Variants in WWOX observed in about 807,000 individuals in gnomAD.
WWOX encodes WW domain-containing oxidoreductase.
WWOX carries 69 observed loss-of-function variants against 46.2 expected under a neutral mutation model. The ratio of observed to expected loss-of-function variants is 1.49; its 90% CI spans 1.23 to 1.82. The LOEUF (loss-of-function observed/expected upper bound fraction) is 1.82, where lower values mean the gene tolerates loss of function less well. Among genes scored for constraint, WWOX ranks in the 40% most tolerant of loss-of-function variants. The pLI is 0.00. For synonymous variants in WWOX, 359 were observed against 202.6 expected (o/e 1.77, Z -6.56); for missense variants, 919 against 542.6 (o/e 1.69, Z -6.89).
intron 8 of WWOX, chr16:78,996,376 A>ACCCCCCCCCCC (rs1338159064): frequency 2.3e-6 from 1 of 438,796 alleles, no homozygotes; most frequent in Non-Finnish European, 2.6e-6. Flanking sequence ...TTCTGCACCC[A>ACCCCCCCCCCC]CCCCCGCCCC....
intron 8 of WWOX, among the ~76,000 whole-genome samples, chr16:79,038,701 C>G (rs528541113): frequency 6.6e-6 from 1 of 152,000 alleles, no homozygotes; most frequent in Non-Finnish European, 1.5e-5. Flanking sequence ...AGGCACCCAC[C>G]ACCACACCCA....
chr16:78,616,245 T>C (rs2046021977), intron 8 of WWOX, among the ~76,000 whole-genome samples: 2 of 151,854 alleles, frequency 1.3e-5, no homozygotes, highest in Admixed American at 1.3e-4. Flanking sequence ...TATAAGCAAG[T>C]AGGATGTTTG....
At chr16:78,428,219 A>G (rs9939279) in intron 7 of WWOX, among the ~76,000 whole-genome samples, 24,880 of 152,204 alleles carry the variant, frequency 0.16, 2,611 homozygotes, top group East Asian at 0.3. Context: ...TTCTATTAAG[A>G]CATAATTGTT....
intron 8 of WWOX, among the ~76,000 whole-genome samples, chr16:78,524,056 C>T (rs552151996): frequency 6.2e-4 from 94 of 152,288 alleles, no homozygotes; most frequent in African/African-American, 2.2e-3. Flanking sequence ...TGTGGTGATT[C>T]CAATGTGAGT....
Position 78,700,220 on chromosome 16 carries a change from G to A in WWOX, c.1056+267468G>A, listed in dbSNP as rs574737629. Reference sequence around the variant, plus strand: ...TCCCAGTTCTGGAGGCTGGAAGTCAGATGTCAGGGCACCAGCATGGTTGGT... The same window carrying A: ...TCCCAGTTCTGGAGGCTGGAAGTCAAATGTCAGGGCACCAGCATGGTTGGT... On this transcript the variant is annotated intron_variant, in intron 8 of 8. Transcript: ENST00000566780. Among the ~76,000 whole-genome samples the A allele has an allele frequency of 2.7e-3, 414 of 151,210 alleles. 3 individuals are homozygous for A. Among genetic ancestry groups the A allele is most frequent in the Admixed American group, 5.5e-3 (84 of 15,158 alleles).
At chr16:78,302,799 T>C (rs2080063850) in intron 5 of WWOX, among the ~76,000 whole-genome samples, 1 of 152,232 alleles carries the variant, frequency 6.6e-6, no homozygotes, top group Non-Finnish European at 1.5e-5. Flanking sequence ...TCTTGGTTCC[T>C]AAGAGTTTTA....
intron 8 of WWOX, among the ~76,000 whole-genome samples, chr16:78,500,022 A>G (rs1050897794): frequency 6.6e-6 from 1 of 152,240 alleles, no homozygotes; most frequent in African/African-American, 2.4e-5. Flanking sequence ...GAAGTGGGTC[A>G]AAACCTGGTT....
chr16:79,082,214 A>G (rs1486859220), intron 8 of WWOX, among the ~76,000 whole-genome samples: 1 of 152,174 alleles, frequency 6.6e-6, no homozygotes, highest in Non-Finnish European at 1.5e-5. Context: ...AGCAAAATTA[A>G]AAGCAATATT....
chr16:78,962,739 C>G (rs907357489), intron 8 of WWOX, among the ~76,000 whole-genome samples: 2 of 152,156 alleles, frequency 1.3e-5, no homozygotes, highest in African/African-American at 4.8e-5. Context: ...GTAAACACCA[C>G]TCAGATCAAG....
chr16:78,873,322 C>G (rs1478983579), intron 8 of WWOX: 1 of 152,184 alleles, frequency 6.6e-6, no homozygotes, highest in African/African-American at 2.4e-5. Context: ...AAGGGACTAG[C>G]TCCTATTATC....
At chr16:79,106,918 C>A (rs1294354514) in intron 8 of WWOX, among the ~76,000 whole-genome samples, 2 of 151,054 alleles carry the variant, frequency 1.3e-5, no homozygotes, top group Non-Finnish European at 2.9e-5. Context: ...AGCGATTCTC[C>A]TGCCTCAGCC....
At chr16:79,185,546 C>A (rs1195457837) in intron 8 of WWOX, among the ~76,000 whole-genome samples, 2 of 152,172 alleles carry the variant, frequency 1.3e-5, no homozygotes, top group Non-Finnish European at 2.9e-5. Context: ...CAGGTAGCCT[C>A]AGAACGGATT....
At chr16:78,375,832 C>G (rs1396656879) in intron 5 of WWOX, among the ~76,000 whole-genome samples, 14 of 149,184 alleles carry the variant, frequency 9.4e-5, no homozygotes, top group Non-Finnish European at 1.6e-4. Flanking sequence ...ACCGGAGAAA[C>G]AATGAGTAAC....
intron 8 of WWOX, among the ~76,000 whole-genome samples, chr16:78,585,969 C>G (rs997302161): frequency 6.6e-6 from 1 of 151,922 alleles, no homozygotes; most frequent in East Asian, 1.9e-4. Context: ...GGCCGAGACT[C>G]GGGGATCCCT....
chr16:78,941,541 CG>C (rs1401297762), intron 8 of WWOX, among the ~76,000 whole-genome samples: 6 of 151,246 alleles, frequency 4.0e-5, no homozygotes, highest in African/African-American at 9.7e-5. Context: ...AAGCTGGGGA[CG>C]GGGGGATAGA....
chr16:78,576,693 A>G (rs953606506), intron 8 of WWOX, among the ~76,000 whole-genome samples: 1 of 152,158 alleles, frequency 6.6e-6, no homozygotes. Context: ...TTAGCTGGGC[A>G]TGATGGCTCA....
chr16:78,314,191 G>A (rs528425980), intron 5 of WWOX, among the ~76,000 whole-genome samples: 1 of 152,126 alleles, frequency 6.6e-6, no homozygotes, highest in African/African-American at 2.4e-5. Context: ...CAGATCACGA[G>A]GTCAGGAGAT....
chr16:79,170,442 A>C (rs575420417), intron 8 of WWOX, among the ~76,000 whole-genome samples: 3 of 152,166 alleles, frequency 2.0e-5, no homozygotes, highest in Non-Finnish European at 4.4e-5. Flanking sequence ...CTGCAATACA[A>C]CTGTTAAGAC....
chr16:78,242,164 A>C (rs1441448323), intron 5 of WWOX, among the ~76,000 whole-genome samples: 2 of 152,170 alleles, frequency 1.3e-5, no homozygotes, highest in Non-Finnish European at 2.9e-5. Context: ...GGTAGAAATA[A>C]TTCAGATTTC....
Sources: allele counts gnomAD v4.1 joint callset (sites outside exome capture counted in the v4.1 genomes callset), GRCh38; gene constraint gnomAD v4.1.1; transcripts MANE v1.5; gene names NCBI Gene and HGNC (gene_info 2026-07-23, HGNC 2026-07-21).